NUMB: variants seen among roughly 807,000 people sequenced by gnomAD.
The protein encoded by NUMB is protein numb homolog.
NUMB carries 29 observed loss-of-function variants against 59.7 expected under a neutral mutation model. The observed-to-expected ratio is 0.49, with a 90% CI of 0.36 to 0.66. The LOEUF is 0.66. Among genes scored for constraint, NUMB ranks in the 30% least tolerant of loss-of-function variants. The pLI is 0.00. For synonymous variants in NUMB, 288 were observed against 288.2 expected (o/e 1.00, Z 0.01); for missense variants, 723 against 822.0 (o/e 0.88, Z 1.47).
At chr14:73,323,109 T>C in intron 5 of NUMB, 21 bp downstream of exon 5, 1 of 1,584,804 alleles carries the variant, frequency 6.3e-7, no homozygotes, top group Non-Finnish European at 8.7e-7. Flanking sequence ...AGATCAACAC[T>C]GGCAACCATC....
intron 8 of NUMB, among the ~76,000 whole-genome samples, chr14:73,289,665 T>G (rs1308382156): frequency 6.6e-6 from 1 of 152,226 alleles, no homozygotes; most frequent in African/African-American, 2.4e-5. Flanking sequence ...TTTTAAAAAT[T>G]TTTAAACTTT....
At chr14:73,315,877 T>A (rs1003668387) in intron 6 of NUMB, among the ~76,000 whole-genome samples, 3 of 152,122 alleles carry the variant, frequency 2.0e-5, no homozygotes, top group African/African-American at 7.2e-5. Context: ...CCTACTTGAT[T>A]CATTTATTGG....
chr14:73,417,564 A>G (rs1443652747), intron 1 of NUMB, among the ~76,000 whole-genome samples: 1 of 151,750 alleles, frequency 6.6e-6, no homozygotes, highest in Non-Finnish European at 1.5e-5. Flanking sequence ...AAAAAAAAAA[A>G]GGTATGTATT....
At chr14:73,361,304 T>A (rs1443418810) in intron 3 of NUMB, among the ~76,000 whole-genome samples, 3 of 152,190 alleles carry the variant, frequency 2.0e-5, no homozygotes, top group African/African-American at 7.2e-5. Flanking sequence ...TTGGCTTCTG[T>A]CCTTTCTATC....
At chr14:73,435,966 A>G (rs1595037043) in intron 1 of NUMB, among the ~76,000 whole-genome samples, 1 of 151,790 alleles carries the variant, frequency 6.6e-6, no homozygotes, top group African/African-American at 2.4e-5. Flanking sequence ...AGATCGCACC[A>G]CTGCACTCTA....
At position 73,393,730 on chromosome 14, in the gene NUMB, G is replaced by A. The variant is rs76726071; in HGVS notation, c.-101+16207C>T. Reference sequence around the variant, plus strand: ...CTTTTCACCAATACTTGTGAATTCTGGCTCCTAATCTAATAAAAGTCTTTA... The same window carrying A: ...CTTTTCACCAATACTTGTGAATTCTAGCTCCTAATCTAATAAAAGTCTTTA... On this transcript the variant is annotated intron_variant, in intron 2 of 12. Transcript: ENST00000555238. 6.8e-3 allele frequency among the ~76,000 whole-genome samples: 1,039 copies of A among 152,180 alleles called. 4 individuals are homozygous for A. The highest frequency in any genetic ancestry group is 0.029 in the South Asian group (142 of 4,818).
At chr14:73,447,258 G>A (rs775801039) in intron 1 of NUMB, among the ~76,000 whole-genome samples, 39 of 150,678 alleles carry the variant, frequency 2.6e-4, no homozygotes, top group Non-Finnish European at 3.4e-4. Flanking sequence ...GGAGGCTAAG[G>A]TGGGCAGATC....
intron 8 of NUMB, among the ~76,000 whole-genome samples, chr14:73,290,031 T>G (rs1171630012): frequency 6.6e-6 from 1 of 152,196 alleles, no homozygotes; most frequent in Non-Finnish European, 1.5e-5. Flanking sequence ...CAGCAATCTA[T>G]GTTTTAAAAC....
intron 1 of NUMB, among the ~76,000 whole-genome samples, chr14:73,437,062 TG>T (rs751639097): frequency 0.17 from 17,232 of 99,574 alleles, 1,527 homozygotes; most frequent in Non-Finnish European, 0.23. Context: ...TTTTTTTTTT[TG>T]TTGAGACAGG....
At chr14:73,342,867 C>T (rs994221428) in intron 4 of NUMB, among the ~76,000 whole-genome samples, 5 of 152,178 alleles carry the variant, frequency 3.3e-5, no homozygotes, top group Non-Finnish European at 5.9e-5. Context: ...TGCTTTGAGA[C>T]AGGTTCTTAC....
chr14:73,295,059 CA>C (rs1168287763), intron 7 of NUMB, among the ~76,000 whole-genome samples: 1,674 of 67,144 alleles, frequency 0.025, 13 homozygotes, highest in African/African-American at 0.042. Context: ...GGCACTGTCT[CA>C]AAAAAAAAAA....
At chr14:73,428,029 T>C (rs1048355084) in intron 1 of NUMB, among the ~76,000 whole-genome samples, 1 of 152,222 alleles carries the variant, frequency 6.6e-6, no homozygotes, top group Non-Finnish European at 1.5e-5. Context: ...TTAAGTGTTA[T>C]GGAATCTCTC....
chr14:73,456,989 T>C (rs1884419401), intron 1 of NUMB, among the ~76,000 whole-genome samples: 1 of 151,894 alleles, frequency 6.6e-6, no homozygotes, highest in South Asian at 2.1e-4. Flanking sequence ...AACAATCCAG[T>C]ACACACGACT....
In NUMB at chr14:73,276,230, TG is replaced by T. The variant is rs1888143711; in HGVS notation, c.*347del. ...AACAAAGGGAGATTGCTTTGCTTCCTGTTGTGTTTTACATTTCAGTAAATGT... is the reference window on the plus strand; with the variant it reads ...AACAAAGGGAGATTGCTTTGCTTCCTTTGTGTTTTACATTTCAGTAAATGT... On this transcript the variant is annotated 3_prime_UTR_variant, in exon 13 of 13. Coordinates refer to ENST00000555238, the MANE Select transcript of NUMB (RefSeq NM_001005743.2). 1 of 202,514 alleles carries T rather than the reference TG, an allele frequency of 4.9e-6. No homozygotes were observed. The highest frequency in any genetic ancestry group is 5.2e-5 in the Admixed American group (1 of 19,102). The allele number at this position is 202,514 out of a possible 1,614,324, so 12.5% of individuals were successfully genotyped here.
chr14:73,350,373 A>G (rs1292422362), intron 4 of NUMB, among the ~76,000 whole-genome samples: 1 of 151,476 alleles, frequency 6.6e-6, no homozygotes, highest in Non-Finnish European at 1.5e-5. Context: ...GGGTTTCACC[A>G]TGTTGCCCAG....
intron 2 of NUMB, among the ~76,000 whole-genome samples, chr14:73,394,203 C>G (rs1332573706): frequency 6.6e-6 from 1 of 152,108 alleles, no homozygotes; most frequent in African/African-American, 2.4e-5. Flanking sequence ...GATCAACCCA[C>G]CTCGTGCTGG....
chr14:73,417,310 G>A (rs376356703), intron 1 of NUMB, among the ~76,000 whole-genome samples: 1 of 152,150 alleles, frequency 6.6e-6, no homozygotes, highest in Non-Finnish European at 1.5e-5. Context: ...ACTGCTAAAA[G>A]AGCATTAATT....
At chr14:73,440,968 A>ATTTATGAAAATAAAATGAAAATG (rs1184456699) in intron 1 of NUMB, among the ~76,000 whole-genome samples, 15 of 151,840 alleles carry the variant, frequency 9.9e-5, no homozygotes, top group African/African-American at 3.6e-4. Context: ...GGACTTTATT[A>ATTTATGAAAATAAAATGAAAATG]AAATGAAAAA....
At chr14:73,417,715 A>G (rs1897191116) in intron 1 of NUMB, among the ~76,000 whole-genome samples, 1 of 152,210 alleles carries the variant, frequency 6.6e-6, no homozygotes, top group Non-Finnish European at 1.5e-5. Flanking sequence ...TAGAGACTCA[A>G]ACAGATATTT....
Sources: gnomAD v4.1 joint callset for allele counts (sites outside exome capture counted in the v4.1 genomes callset) on GRCh38, gnomAD v4.1.1 for gene constraint, MANE v1.5 for transcripts, NCBI Gene and HGNC (gene_info 2026-07-23, HGNC 2026-07-21) for gene names.